MAST2: variants seen among roughly 807,000 people sequenced by gnomAD.
MAST2 encodes microtubule associated serine/threonine kinase 2, also known as microtubule-associated serine/threonine-protein kinase 2.
Under a neutral mutation model 147.4 loss-of-function variants are expected in MAST2, and 70 were observed. The ratio of observed to expected loss-of-function variants is 0.47; its 90% confidence interval spans 0.39 to 0.58. The LOEUF is 0.58. MAST2 is among the 20% of genes least tolerant of loss of function. The probability of loss-of-function intolerance (pLI) is 0.00; values close to 1 mark genes in which losing one functional copy is unlikely to be tolerated. For synonymous variants in MAST2, 869 were observed against 896.8 expected (o/e 0.97, Z 0.55); for missense variants, 2,080 against 2,302.3 (o/e 0.90, Z 1.98).
intron 4 of MAST2, among the ~76,000 whole-genome samples, chr1:45,909,606 C>T (rs956622942): frequency 6.6e-6 from 1 of 151,768 alleles, no homozygotes; most frequent in Admixed American, 6.6e-5. Context: ...CAACCTCCCC[C>T]TCCTGGGTTC....
At chr1:45,923,790 C>T (rs1653917285) in intron 4 of MAST2, among the ~76,000 whole-genome samples, 2 of 152,170 alleles carry the variant, frequency 1.3e-5, no homozygotes, top group Admixed American at 1.3e-4. Context: ...TTAATAAATC[C>T]TCCAATCCTG....
intron 4 of MAST2, among the ~76,000 whole-genome samples, chr1:45,921,569 G>A (rs1470051978): frequency 6.6e-6 from 1 of 152,184 alleles, no homozygotes; most frequent in Non-Finnish European, 1.5e-5. Flanking sequence ...TGCTGCAGCA[G>A]GGCAGCTAGC....
chr1:46,032,287 C>A lies in MAST2; in HGVS notation c.3297C>A (p.Gly1099=), dbSNP rs752944910. The A allele has an allele frequency of 6.8e-6, 11 of 1,614,142 alleles. No homozygotes were observed. In the African/African-American group the frequency reaches 1.5e-4, roughly 22 times the overall value. ...GCAGGGACTTCTTGCCAGCCCTTGG[C>A]AGCATGAGGCCTCCCATCATCATCC... ...SPSRDFLPAL[G]SMRPPIIIHR... Residue 1099 remains glycine, a synonymous_variant, in exon 25 of 29, where the codon GGC becomes GGA. Coordinates refer to ENST00000361297, the MANE Select transcript of MAST2 (RefSeq NM_015112.3).
At chr1:45,841,390 A>G (rs1173937865) in intron 3 of MAST2, among the ~76,000 whole-genome samples, 1 of 151,976 alleles carries the variant, frequency 6.6e-6, no homozygotes, top group Non-Finnish European at 1.5e-5. Context: ...AGTAGCTGTG[A>G]TACAGTAAGA....
intron 5 of MAST2, among the ~76,000 whole-genome samples, chr1:45,974,130 C>T (rs1051656205): frequency 1.3e-5 from 2 of 152,036 alleles, no homozygotes; most frequent in Non-Finnish European, 2.9e-5. Flanking sequence ...AGGAGAATGG[C>T]TGGCACAGTG....
chr1:45,962,658 A>C (rs1660599798), intron 5 of MAST2, among the ~76,000 whole-genome samples: 1 of 152,078 alleles, frequency 6.6e-6, no homozygotes, highest in African/African-American at 2.4e-5. Context: ...TTCTTTGTAG[A>C]TTCTGGATAT....
At position 45,875,849 on chromosome 1, in the gene MAST2, A is replaced by G. The variant is rs180809834; in HGVS notation, c.469-6515A>G. Among the ~76,000 whole-genome samples, 4 of 152,254 alleles carry G rather than the reference A, an allele frequency of 2.6e-5. No homozygotes were observed. The East Asian group carries it at 7.7e-4, about 29-fold the overall frequency. On this transcript the variant is annotated intron_variant, in intron 3 of 28. Transcript: ENST00000361297. ...TAAGGACAAGGTAGTTGTATGTACA[A>G]CTATAGAGGTCAGCAAAAAGATCTG...
At chr1:45,865,464 G>C (rs1244547249) in intron 3 of MAST2, among the ~76,000 whole-genome samples, 1 of 152,094 alleles carries the variant, frequency 6.6e-6, no homozygotes, top group Non-Finnish European at 1.5e-5. Flanking sequence ...AACATATTCT[G>C]TTCCTGACCA....
chr1:46,005,530 T>C (rs1645451541), intron 7 of MAST2, among the ~76,000 whole-genome samples: 1 of 152,184 alleles, frequency 6.6e-6, no homozygotes, highest in African/African-American at 2.4e-5. Flanking sequence ...GTAGAAGTCC[T>C]GTGATAGCCG....
chr1:45,858,322 G>C (rs1645860976), intron 3 of MAST2, among the ~76,000 whole-genome samples: 3 of 152,082 alleles, frequency 2.0e-5, no homozygotes, highest in African/African-American at 7.2e-5. Flanking sequence ...AAATGAGATG[G>C]TATCTCATTG....
chr1:45,985,361 T>C (rs1050445965), intron 5 of MAST2, among the ~76,000 whole-genome samples: 2 of 152,182 alleles, frequency 1.3e-5, no homozygotes, highest in Non-Finnish European at 2.9e-5. Context: ...CCCAAAGTGC[T>C]GGGATTACAG....
At chr1:45,918,672 A>C (rs1483373131) in intron 4 of MAST2, among the ~76,000 whole-genome samples, 1 of 152,124 alleles carries the variant, frequency 6.6e-6, no homozygotes, top group Non-Finnish European at 1.5e-5. Context: ...TCCTGACCTC[A>C]GGTTATCCAC....
At chr1:45,886,918 C>T (rs957419861) in intron 4 of MAST2, among the ~76,000 whole-genome samples, 4 of 152,286 alleles carry the variant, frequency 2.6e-5, no homozygotes, top group Admixed American at 2.0e-4. Context: ...CCTGGTCCTC[C>T]CTGGCCTCAG....
chr1:45,829,345 T>C, intron 2 of MAST2, 94 bp from the exon 3 acceptor site: 1 of 1,095,824 alleles, frequency 9.1e-7, no homozygotes, highest in Non-Finnish European at 1.3e-6. Context: ...TGTATCAGTA[T>C]GGTTTTATCC....
chr1:45,860,130 G>A (rs1486342313), intron 3 of MAST2, among the ~76,000 whole-genome samples: 1 of 151,906 alleles, frequency 6.6e-6, no homozygotes, highest in African/African-American at 2.4e-5. Flanking sequence ...TGCTGAGATG[G>A]GCAGATTACT....
intron 3 of MAST2, among the ~76,000 whole-genome samples, chr1:45,882,037 A>G (rs946262493): frequency 9.0e-5 from 13 of 144,624 alleles, no homozygotes; most frequent in Non-Finnish European, 1.9e-4. Flanking sequence ...AAAAAAAAAA[A>G]AAAAATTAGC....
intron 4 of MAST2, 51 bp downstream of exon 4, chr1:45,882,446 C>T (rs2148303829): frequency 7.2e-7 from 1 of 1,392,148 alleles, no homozygotes; most frequent in South Asian, 1.2e-5. Context: ...CTTAGGAACC[C>T]CTCTTGGGAA....
intron 6 of MAST2, among the ~76,000 whole-genome samples, chr1:46,000,239 G>A (rs902921003): frequency 7.2e-5 from 11 of 152,162 alleles, no homozygotes; most frequent in African/African-American, 1.2e-4. Context: ...ACTTGAATCC[G>A]GGAGGCAGAG....
chr1:45,980,024 G>A (rs747369031), intron 5 of MAST2, among the ~76,000 whole-genome samples: 10 of 152,268 alleles, frequency 6.6e-5, no homozygotes, highest in South Asian at 2.1e-4. Flanking sequence ...AATGGCTCAC[G>A]CCTGTAATCC....
Sources: allele counts gnomAD v4.1 joint callset (sites outside exome capture counted in the v4.1 genomes callset), GRCh38; gene constraint gnomAD v4.1.1; transcripts MANE v1.5; gene names NCBI Gene and HGNC (gene_info 2026-07-23, HGNC 2026-07-21).